The following KIRREL3 variants were observed in gnomAD, a reference collection of about 807,000 sequenced individuals.
KIRREL3 encodes kin of IRRE-like protein 3.
Under a neutral mutation model 89.7 loss-of-function variants are expected in KIRREL3, and 36 were observed. The ratio of observed to expected loss-of-function variants is 0.40; its 90% CI spans 0.31 to 0.53. The LOEUF (loss-of-function observed/expected upper bound fraction) is 0.53. Among genes scored for constraint, KIRREL3 ranks in the 20% least tolerant of loss-of-function variants. The pLI, the probability that KIRREL3 is intolerant of heterozygous loss-of-function variation, is 0.49. For synonymous variants in KIRREL3, 445 were observed against 441.4 expected (o/e 1.01, Z -0.10); for missense variants, 864 against 1,056.6 (o/e 0.82, Z 2.53).
At chr11:126,984,232 C>T (rs1949793416) in intron 1 of KIRREL3, among the ~76,000 whole-genome samples, 1 of 152,200 alleles carries the variant, frequency 6.6e-6, no homozygotes, top group Non-Finnish European at 1.5e-5. Context: ...AAAAGGTATT[C>T]TCTCTGGAGA....
chr11:126,925,003 A>T (rs1947640993), intron 1 of KIRREL3, among the ~76,000 whole-genome samples: 1 of 141,838 alleles, frequency 7.1e-6, no homozygotes, highest in African/African-American at 2.6e-5. Flanking sequence ...CCTAGGAGTT[A>T]TGCCCTTAGG....
intron 10 of KIRREL3, chr11:126,440,899 T>A: frequency 2.9e-6 from 1 of 340,868 alleles, no homozygotes; most frequent in Non-Finnish European, 5.5e-6. Context: ...GGGGAAAGCT[T>A]TAGGGAGGAG....
chr11:126,828,157 C>A (rs1474374632), intron 1 of KIRREL3, among the ~76,000 whole-genome samples: 1 of 152,198 alleles, frequency 6.6e-6, no homozygotes, highest in East Asian at 1.9e-4. Flanking sequence ...AGAGGTAATT[C>A]ATCCGATTCT....
chr11:126,593,410 C>A (rs1182682859), intron 1 of KIRREL3, among the ~76,000 whole-genome samples: 4 of 152,356 alleles, frequency 2.6e-5, no homozygotes, highest in Admixed American at 2.6e-4. Flanking sequence ...CAGCTCTAAG[C>A]CACAGCCACT....
chr11:126,424,562 A>G lies in KIRREL3; in HGVS notation c.*18T>C. 6.2e-7 allele frequency: 1 copy of G among 1,611,488 alleles called. No individual in the cohort carries two copies. Among genetic ancestry groups the G allele is most frequent in the Non-Finnish European group, 8.5e-7 (1 of 1,178,684 alleles). On this transcript the variant is annotated 3_prime_UTR_variant, in exon 17 of 17. Coordinates refer to ENST00000525144, the MANE Select transcript of KIRREL3 (RefSeq NM_032531.4). ...CTGACCTCTTCCCTGGCCCGTCCCC[A>G]CCCGCGGTGTGTGATCCTTAGACGT... is the stretch of plus-strand genomic sequence containing the variant.
At chr11:126,893,408 T>C (rs909217341) in intron 1 of KIRREL3, among the ~76,000 whole-genome samples, 1 of 152,240 alleles carries the variant, frequency 6.6e-6, no homozygotes, top group Non-Finnish European at 1.5e-5. Context: ...ATTTTGCTAT[T>C]CTTCATAATA....
At chr11:126,713,520 A>G (rs1947842023) in intron 1 of KIRREL3, among the ~76,000 whole-genome samples, 1 of 152,200 alleles carries the variant, frequency 6.6e-6, no homozygotes, top group South Asian at 2.1e-4. Context: ...GACCCAGGTA[A>G]GAAACGATGA....
chr11:126,888,879 T>C (rs757760814), intron 1 of KIRREL3, among the ~76,000 whole-genome samples: 1 of 152,174 alleles, frequency 6.6e-6, no homozygotes, highest in Non-Finnish European at 1.5e-5. Context: ...CTGGTGCTGT[T>C]GTTTTCTCAT....
At chr11:126,503,234 G>A (rs981508489) in intron 4 of KIRREL3, among the ~76,000 whole-genome samples, 1 of 152,132 alleles carries the variant, frequency 6.6e-6, no homozygotes, top group African/African-American at 2.4e-5. Flanking sequence ...TCTTCCTGGT[G>A]GGGGGCGTCC....
In KIRREL3 at chr11:126,471,411, AAAAG is replaced by A. The variant is rs984522287; in HGVS notation, c.591+1894_591+1897del. On this transcript the variant is annotated intron_variant, in intron 5 of 16. Coordinates refer to ENST00000525144, the MANE Select transcript of KIRREL3 (RefSeq NM_032531.4). The surrounding 1 kb of genome is among the most constrained non-coding windows in gnomAD (Gnocchi z 5.4). ...ATAAATAAAATAAATAAAAAATAAA[AAAAG>A]AAAGAAAAAAAGAAAAGACAGTTTG... Among the ~76,000 whole-genome samples the A allele has an allele frequency of 4.0e-5, 6 of 151,790 alleles. No homozygotes were observed. The highest frequency in any genetic ancestry group is 1.5e-4 in the African/African-American group (6 of 41,366).
intron 7 of KIRREL3, among the ~76,000 whole-genome samples, chr11:126,450,907 G>A (rs796553035): frequency 5.3e-5 from 8 of 149,588 alleles, no homozygotes; most frequent in Admixed American, 2.6e-4. Flanking sequence ...GTGCATGTGC[G>A]TGTGTGTCCA....
intron 1 of KIRREL3, among the ~76,000 whole-genome samples, chr11:126,712,914 G>A (rs1947818273): frequency 6.6e-6 from 1 of 152,244 alleles, no homozygotes. Context: ...TTTATTGAGT[G>A]CCTTCGAAGC....
intron 1 of KIRREL3, among the ~76,000 whole-genome samples, chr11:126,956,182 CA>C (rs1054924748): frequency 6.6e-6 from 1 of 152,182 alleles, no homozygotes; most frequent in African/African-American, 2.4e-5. Context: ...CTTACTTACT[CA>C]ACCAATGAGC....
intron 2 of KIRREL3, among the ~76,000 whole-genome samples, chr11:126,554,943 CG>C (rs1939588967): frequency 6.6e-6 from 1 of 152,098 alleles, no homozygotes; most frequent in Admixed American, 6.5e-5. Context: ...TATGGATAGA[CG>C]AGGCTAACTT....
At chr11:126,815,414 T>C (rs774384603) in intron 1 of KIRREL3, among the ~76,000 whole-genome samples, 4 of 152,214 alleles carry the variant, frequency 2.6e-5, no homozygotes, top group Non-Finnish European at 4.4e-5. Context: ...TATTTCTCTG[T>C]AACACGGGGA....
At position 126,485,887 on chromosome 11, in the gene KIRREL3, G is replaced by T. The variant is rs1295660661; in HGVS notation, c.434-12421C>A. On this transcript the variant is annotated intron_variant, in intron 4 of 16. Coordinates refer to ENST00000525144, the MANE Select transcript of KIRREL3 (RefSeq NM_032531.4). This position sits in a 1 kb window ranked among gnomAD's most constrained non-coding sequence, Gnocchi z 5.8. ...CTGATGGGCAGCCCTGCTGCCTTTAGGCAGGAGACCCCAAGGGAGGGAGGG... is the reference window on the plus strand; with the variant it reads ...CTGATGGGCAGCCCTGCTGCCTTTATGCAGGAGACCCCAAGGGAGGGAGGG... Among the ~76,000 whole-genome samples, 1 of 152,248 alleles carries T rather than the reference G, an allele frequency of 6.6e-6. No individual in the cohort carries two copies. The highest frequency in any genetic ancestry group is 1.5e-5 in the Non-Finnish European group (1 of 68,042).
At chr11:126,667,061 G>C (rs894369137) in intron 1 of KIRREL3, among the ~76,000 whole-genome samples, 1 of 152,192 alleles carries the variant, frequency 6.6e-6, no homozygotes, top group African/African-American at 2.4e-5. Flanking sequence ...ATTTCAGGGA[G>C]AGATATCACT....
rs1445127688 is a variant in KIRREL3, at chr11:126,429,138, A to G, written c.1806+41T>C. Reference sequence around the variant, plus strand: ...CCTCTAGTCCCAGGACCTTCTGGGAATGGAGTCACGGGATGGGATGGGGCG... The same window carrying G: ...CCTCTAGTCCCAGGACCTTCTGGGAGTGGAGTCACGGGATGGGATGGGGCG... On this transcript the variant is annotated intron_variant, in intron 15 of 16. Transcript: ENST00000525144. The surrounding 1 kb of genome is among the most constrained non-coding windows in gnomAD (Gnocchi z 5.2). The G allele has an allele frequency of 2.3e-6, 3 of 1,310,014 alleles. No homozygotes were observed. Among genetic ancestry groups the G allele is most frequent in the East Asian group, 2.3e-5 (1 of 43,048 alleles). The allele number at this position is 1,310,014 out of a possible 1,614,324, so 81.1% of individuals were successfully genotyped here.
rs1938402625 is a variant in KIRREL3, at chr11:126,541,959, A to G, written c.134-15272T>C. ...GGAATCCCAGTGTATAAAACGGTGG[A>G]GGCAGAGCTGAGGCAGCGCGGGAAG... On this transcript the variant is annotated intron_variant, in intron 2 of 16. Coordinates refer to ENST00000525144, the MANE Select transcript of KIRREL3 (RefSeq NM_032531.4). The surrounding 1 kb of genome is among the most constrained non-coding windows in gnomAD (Gnocchi z 4.8). 6.6e-6 allele frequency among the ~76,000 whole-genome samples: 1 copy of G among 152,174 alleles called. No individual in the cohort carries two copies. The highest frequency in any genetic ancestry group is 2.1e-4 in the South Asian group (1 of 4,824).
Sources: allele counts gnomAD v4.1 joint callset (sites outside exome capture counted in the v4.1 genomes callset), GRCh38; gene constraint gnomAD v4.1.1; non-coding constraint Gnocchi (gnomAD v3.1); transcripts MANE v1.5; gene names NCBI Gene and HGNC (gene_info 2026-07-23, HGNC 2026-07-21).